The following CA1 variants were observed in gnomAD, a reference collection of about 807,000 sequenced individuals.
CA1 encodes carbonic anhydrase 1.
In CA1, 27 loss-of-function variants were observed where a neutral mutation model predicts 28.8. The observed-to-expected ratio is 0.94, with a 90% CI of 0.69 to 1.29. The LOEUF (loss-of-function observed/expected upper bound fraction) is 1.29. Among genes scored for constraint, CA1 ranks in the 50% most tolerant of loss-of-function variants. CA1 has a pLI of 0.00. For synonymous variants in CA1, 121 were observed against 108.8 expected (o/e 1.11, Z -0.70); for missense variants, 335 against 310.5 (o/e 1.08, Z -0.59).
At position 85,333,608 on chromosome 8, in the gene CA1, G is replaced by A; in HGVS notation, c.367C>T (p.His123Tyr). The change falls in exon 5 of 8, where the codon CAC (histidine) becomes TAC (tyrosine). Residue 123 changes from histidine (H) to tyrosine (Y), a missense_variant. Physicochemically the swap from His to Tyr is moderately conservative, Grantham distance 83 (BLOSUM62 2). Transcript: ENST00000523022. The stretch of plus-strand genomic sequence containing the variant: ...CTGGAGTACTTTGCAGAATTCCAGT[G>A]AGCTACGTGAAGCTAAAAATGATAC... The part of the protein sequence containing the change: ...VKYSAELHVA[H>Y]WNSAKYSSLA... 3 of 1,607,146 alleles carry A rather than the reference G, an allele frequency of 1.9e-6. No individual in the cohort carries two copies. The highest frequency in any genetic ancestry group is 2.6e-6 in the Non-Finnish European group (3 of 1,174,356).
intron 1 of CA1, among the ~76,000 whole-genome samples, chr8:85,362,759 A>G (rs1292332854): frequency 3.3e-5 from 5 of 152,196 alleles, no homozygotes; most frequent in Admixed American, 2.0e-4. Context: ...ATATCATTCA[A>G]TTGGCTGTAG....
chr8:85,377,236 C>T (rs1810454487), intron 1 of CA1, among the ~76,000 whole-genome samples: 1 of 152,050 alleles, frequency 6.6e-6, no homozygotes, highest in Non-Finnish European at 1.5e-5. Flanking sequence ...TTTAAGAGAA[C>T]ATAACTTACT....
chr8:85,372,587 T>C (rs1300201316), intron 1 of CA1, among the ~76,000 whole-genome samples: 3 of 152,188 alleles, frequency 2.0e-5, no homozygotes, highest in Admixed American at 2.0e-4. Context: ...TATTGTCAGA[T>C]GAATGAATAA....
rs1810246863 is a variant in CA1 at position 85,372,029 on chromosome 8, G to T, written c.-25+6017C>A. Among the ~76,000 whole-genome samples, 3 of 152,098 alleles carry T rather than the reference G, an allele frequency of 2.0e-5. No homozygotes were observed. The South Asian group carries it at 6.2e-4, about 32-fold the overall frequency. ...ACATATAAGTAAATAATAATGAAAG[G>T]GATTGCCACTTTTTAAGTGCAGACT... On this transcript the variant is annotated intron_variant, in intron 1 of 7. Coordinates refer to ENST00000523022, the MANE Select transcript of CA1 (RefSeq NM_001128831.4).
intron 1 of CA1, among the ~76,000 whole-genome samples, chr8:85,346,628 G>A (rs1809198820): frequency 6.6e-6 from 1 of 152,090 alleles, no homozygotes; most frequent in Non-Finnish European, 1.5e-5. Flanking sequence ...CAGGCGTGAT[G>A]GTAGGCACCT....
chr8:85,345,770 T>G (rs1251981761), intron 1 of CA1, among the ~76,000 whole-genome samples: 1 of 152,148 alleles, frequency 6.6e-6, no homozygotes, highest in Admixed American at 6.5e-5. Flanking sequence ...GGAAAAAGCC[T>G]TTCCCCTCTC....
chr8:85,338,426 A>C lies in CA1; in HGVS notation c.61T>G (p.Tyr21Asp). The C allele has an allele frequency of 6.2e-7, 1 of 1,613,946 alleles. No individual in the cohort carries two copies. Among genetic ancestry groups the C allele is most frequent in the Non-Finnish European group, 8.5e-7 (1 of 1,179,868 alleles). The stretch of plus-strand genomic sequence containing the variant: ...TGGTTATTTCCATTGGCAATGGGAT[A>C]CAGCTTGCTCCATTGTTCAGGACCT... ...KNGPEQWSKLYPIANGNNQSP... is the reference protein window; with the variant it reads ...KNGPEQWSKLDPIANGNNQSP... The change falls in exon 3 of 8, where the codon TAT becomes GAT. Residue 21 changes from tyrosine to aspartate, a missense_variant. By Grantham distance (160) the Tyr-to-Asp change is radical. Coordinates refer to ENST00000523022, the MANE Select transcript of CA1 (RefSeq NM_001128831.4).
At position 85,328,570 on chromosome 8, in the gene CA1, G is replaced by C; in HGVS notation, c.776C>G (p.Ala259Gly). ...TTCTTCTCAGAATCATCAAAATGAA[G>C]CTCTCACTGTTCTGCCCTTCAGAGG... ...TQPLKGRTVR[A>G]SF is the part of the protein sequence containing the mutation. Residue 259 changes from alanine (A) to glycine (G), a missense_variant, in exon 8 of 8, where the codon GCT becomes GGT. Transcript: ENST00000523022. 6.3e-7 allele frequency: 1 copy of C among 1,594,644 alleles called. No homozygotes were observed. The highest frequency in any genetic ancestry group is 8.6e-7 in the Non-Finnish European group (1 of 1,162,968).
At chr8:85,330,092 T>G (rs1026349648) in intron 6 of CA1, among the ~76,000 whole-genome samples, 1 of 152,096 alleles carries the variant, frequency 6.6e-6, no homozygotes, top group Middle Eastern at 3.2e-3. Context: ...CCTTCTTCAT[T>G]TGGTTGCAGA....
intron 1 of CA1, among the ~76,000 whole-genome samples, chr8:85,368,330 G>T (rs548378903): frequency 6.6e-6 from 1 of 151,686 alleles, no homozygotes; most frequent in African/African-American, 2.4e-5. Flanking sequence ...ACCATGCCCG[G>T]GTAATTTTTT....
At chr8:85,355,849 GT>G (rs5892942) in intron 1 of CA1, among the ~76,000 whole-genome samples, 1 of 150,946 alleles carries the variant, frequency 6.6e-6, no homozygotes, top group Non-Finnish European at 1.5e-5. Flanking sequence ...GGCAGGTCTA[GT>G]TTTTTTTTCT....
At chr8:85,372,620 C>T (rs1564052920) in intron 1 of CA1, among the ~76,000 whole-genome samples, 1 of 152,170 alleles carries the variant, frequency 6.6e-6, no homozygotes, top group Non-Finnish European at 1.5e-5. Flanking sequence ...ACTATATATA[C>T]AGTAGTTTCC....
intron 1 of CA1, among the ~76,000 whole-genome samples, chr8:85,374,530 G>T (rs546524295): frequency 6.6e-6 from 1 of 152,268 alleles, no homozygotes; most frequent in African/African-American, 2.4e-5. Flanking sequence ...AACATATGAT[G>T]TGGTTTTAAT....
At chr8:85,368,737 G>C (rs1230662496) in intron 1 of CA1, among the ~76,000 whole-genome samples, 1 of 151,980 alleles carries the variant, frequency 6.6e-6, no homozygotes, top group Non-Finnish European at 1.5e-5. Context: ...GAAAACTTTA[G>C]ATAACTGTAA....
chr8:85,374,529 T>C (rs1810340107), intron 1 of CA1, among the ~76,000 whole-genome samples: 1 of 152,232 alleles, frequency 6.6e-6, no homozygotes, highest in African/African-American at 2.4e-5. Context: ...TAACATATGA[T>C]GTGGTTTTAA....
intron 1 of CA1, among the ~76,000 whole-genome samples, chr8:85,344,590 T>C (rs924879716): frequency 6.6e-6 from 1 of 151,830 alleles, no homozygotes. Flanking sequence ...TAATTTTTAT[T>C]TTAATATTTT....
At chr8:85,368,246 C>G (rs772676309) in intron 1 of CA1, among the ~76,000 whole-genome samples, 6 of 152,042 alleles carry the variant, frequency 3.9e-5, no homozygotes, top group Non-Finnish European at 7.4e-5. Context: ...TGGCTCACCA[C>G]AAACTCTGTC....
At chr8:85,371,321 C>A (rs1361941169) in intron 1 of CA1, among the ~76,000 whole-genome samples, 1 of 152,084 alleles carries the variant, frequency 6.6e-6, no homozygotes, top group Non-Finnish European at 1.5e-5. Flanking sequence ...CTTTCTAGGT[C>A]TGTTAATCTT....
Position 85,376,835 on chromosome 8 carries a change from G to T in CA1, c.-25+1211C>A, listed in dbSNP as rs2432069. 8.3e-3 allele frequency among the ~76,000 whole-genome samples: 1,262 copies of T among 152,196 alleles called. 12 individuals carry two copies. Among genetic ancestry groups the T allele is most frequent in the East Asian group, 0.045 (234 of 5,176 alleles). ...TCGTGTAGAGGCACCCTGGGCATGT[G>T]TGGTACCTAATTAGGTCCCTGACCC... On this transcript the variant is annotated intron_variant, in intron 1 of 7. Transcript: ENST00000523022.
Sources: gnomAD v4.1 joint callset for allele counts (sites outside exome capture counted in the v4.1 genomes callset) on GRCh38, gnomAD v4.1.1 for gene constraint, MANE v1.5 for transcripts, NCBI Gene and HGNC (gene_info 2026-07-23, HGNC 2026-07-21) for gene names.